Variants in ZNF837 observed in about 807,000 individuals in gnomAD.
ZNF837 encodes zinc finger protein 837.
For synonymous variants in ZNF837, 475 were observed against 365.2 expected, an observed-to-expected ratio of 1.30 and a Z score of -3.43; for missense variants, 955 against 801.7, an observed-to-expected ratio of 1.19 and a Z score of -2.31.
chr19:58,379,639 T>G (rs540533283), intron 1 of ZNF837, among the ~76,000 whole-genome samples: 2 of 152,298 alleles, frequency 1.3e-5, no homozygotes, highest in East Asian at 3.9e-4. Context: ...CGCCCAGCCT[T>G]TCTAGTTGTC....
In ZNF837 at chr19:58,367,881, G is replaced by A. The variant is rs2052150600; in HGVS notation, c.1452C>T (p.Phe484=). 1.3e-6 allele frequency: 2 copies of A among 1,535,696 alleles called. No homozygotes were observed. The highest frequency in any genetic ancestry group is 1.7e-6 in the Non-Finnish European group (2 of 1,144,332). ...GGCGCACCAGGCTGCAGTTGCGCAC[G>A]AAGGCCTTGCCGCAGTCGCGGCAGA... ...PYICRDCGKA[F]VRNCSLVRHL... is the part of the protein sequence containing the mutation. Residue 484 remains phenylalanine, a synonymous_variant, in exon 3 of 3, where the codon TTC becomes TTT. Transcript: ENST00000597582.
chr19:58,368,295 G>A lies in ZNF837; in HGVS notation c.1038C>T (p.Asp346=). ...AFRLGCPPCG[D]YSERSPRRGS... ...CCCGTCGGGGACTCCGCTCGCTGTA[G>A]TCCCCGCAGGGCGGGCACCCCAGCC... is the stretch of plus-strand genomic sequence containing the variant. The change falls in exon 3 of 3, where the codon GAC becomes GAT. Residue 346 remains aspartate (D), a synonymous_variant. Transcript: ENST00000597582. 1 of 1,483,442 alleles carries A rather than the reference G, an allele frequency of 6.7e-7. No individual in the cohort carries two copies. Among genetic ancestry groups the A allele is most frequent in the Non-Finnish European group, 8.9e-7 (1 of 1,125,448 alleles). 91.9% of individuals were successfully genotyped at this position (1,483,442 alleles called of 1,614,324 possible).
At chr19:58,370,969 C>T (rs1263314582) in intron 1 of ZNF837, among the ~76,000 whole-genome samples, 6 of 150,608 alleles carry the variant, frequency 4.0e-5, no homozygotes, top group South Asian at 4.2e-4. Flanking sequence ...GAGCCGGGCG[C>T]GGTGGCTCAC....
Position 58,367,924 on chromosome 19 carries a change from G to A in ZNF837, c.1409C>T (p.Ser470Leu). 1 of 1,534,282 alleles carries A rather than the reference G, an allele frequency of 6.5e-7. No homozygotes were observed. The highest frequency in any genetic ancestry group is 8.7e-7 in the Non-Finnish European group (1 of 1,144,110). Residue 470 changes from serine (S) to leucine (L), a missense_variant, in exon 3 of 3, where the codon TCG (serine) becomes TTG (leucine). Transcript: ENST00000597582. ...GCGGCAGATGTAGGGCTTCTCGCCC[G>A]AGTGCAGGCGCTCGTGCTGGCGCAG... ...SELRQHERLH[S>L]GEKPYICRDC...
Position 58,368,284 on chromosome 19 carries a change from C to A in ZNF837, c.1049G>T (p.Arg350Leu). 6.8e-7 allele frequency: 1 copy of A among 1,481,224 alleles called. No individual in the cohort carries two copies. The highest frequency in any genetic ancestry group is 8.9e-7 in the Non-Finnish European group (1 of 1,123,006). The allele number at this position is 1,481,224 out of a possible 1,614,324, so 91.8% of individuals were successfully genotyped here. A position where few individuals can be genotyped will look rare whatever the true frequency, so the allele number is the denominator to read the frequency against. Residue 350 changes from arginine (R) to leucine (L), a missense_variant, in exon 3 of 3, where the codon CGG becomes CTG. By Grantham distance (102) the Arg-to-Leu change is moderately radical. Coordinates refer to ENST00000597582, the MANE Select transcript of ZNF837 (RefSeq NM_138466.2). ...GCPPCGDYSE[R>L]SPRRGSGAGE... ...GGCTCCCGACCCCCGTCGGGGACTC[C>A]GCTCGCTGTAGTCCCCGCAGGGCGG...
chr19:58,376,601 G>GGAAA (rs2052249913), intron 1 of ZNF837, among the ~76,000 whole-genome samples: 1 of 93,618 alleles, frequency 1.1e-5, no homozygotes, highest in Non-Finnish European at 2.3e-5. Context: ...AGAAAGAAAA[G>GGAAA]AAAAAAGGAA....
In ZNF837 at chr19:58,369,015, C is replaced by T. The variant is rs2052173848; in HGVS notation, c.318G>A (p.Glu106=). 6.6e-7 allele frequency: 1 copy of T among 1,515,016 alleles called. No individual in the cohort carries two copies. The highest frequency in any genetic ancestry group is 8.9e-7 in the Non-Finnish European group (1 of 1,128,880). 93.8% of individuals were successfully genotyped at this position (1,515,016 alleles called of 1,614,324 possible). A position where few individuals can be genotyped will look rare whatever the true frequency, so the allele number is the denominator to read the frequency against. Residue 106 remains glutamate, a synonymous_variant, in exon 3 of 3, where the codon GAG becomes GAA. Coordinates refer to ENST00000597582, the MANE Select transcript of ZNF837 (RefSeq NM_138466.2). ...SSQNPELVIP[E]GLQAREGPCR... ...AGGGGCCCTCCCGGGCTTGCAGCCC[C>T]TCGGGGATAACCAGCTCAGGGTTCT... is the stretch of plus-strand genomic sequence containing the variant.
intron 1 of ZNF837, among the ~76,000 whole-genome samples, chr19:58,380,569 A>AGGATGCGGGGGCAGAGACGGTAG (rs2052281565): frequency 6.6e-6 from 1 of 152,250 alleles, no homozygotes; most frequent in African/African-American, 2.4e-5. Context: ...TGCAAAGGCC[A>AGGATGCGGGGGCAGAGACGGTAG]GGATGCGGGG....
At position 58,367,829 on chromosome 19, in the gene ZNF837, G is replaced by A; in HGVS notation, c.1504C>T (p.Pro502Ser). 6.5e-7 allele frequency: 1 copy of A among 1,536,242 alleles called. No individual in the cohort carries two copies. Among genetic ancestry groups the A allele is most frequent in the Non-Finnish European group, 8.7e-7 (1 of 1,145,124 alleles). Residue 502 changes from proline to serine, a missense_variant, in exon 3 of 3, where the codon CCC (proline) becomes TCC (serine). By Grantham distance (74) the Pro-to-Ser change is moderately conservative. Coordinates refer to ENST00000597582, the MANE Select transcript of ZNF837 (RefSeq NM_138466.2). ...RHLRTHTGER[P>S]YACGDCGRAF... Reference sequence around the variant, plus strand: ...CGGCCGCAATCTCCGCACGCGTAGGGCCGCTCGCCCGTGTGCGTGCGCAGG... The same window carrying A: ...CGGCCGCAATCTCCGCACGCGTAGGACCGCTCGCCCGTGTGCGTGCGCAGG...
intron 1 of ZNF837, among the ~76,000 whole-genome samples, chr19:58,372,266 C>T (rs906340905): frequency 6.6e-6 from 1 of 152,030 alleles, no homozygotes; most frequent in African/African-American, 2.4e-5. Context: ...ACCATGTTCA[C>T]GGGGCTGGTC....
intron 1 of ZNF837, among the ~76,000 whole-genome samples, chr19:58,374,793 G>C (rs1379848904): frequency 6.6e-6 from 1 of 152,004 alleles, no homozygotes; most frequent in African/African-American, 2.4e-5. Context: ...AATTAGCCGG[G>C]TGTGGTGGCA....
rs369958471 is a variant in ZNF837, at chr19:58,368,190, G to A, written c.1143C>T (p.His381=). 2 of 1,574,200 alleles carry A rather than the reference G, an allele frequency of 1.3e-6. No individual in the cohort carries two copies. Among genetic ancestry groups the A allele is most frequent in the East Asian group, 2.3e-5 (1 of 42,972 alleles). Residue 381 remains histidine (H), a synonymous_variant, in exon 3 of 3, where the codon CAC becomes CAT. Transcript: ENST00000597582. ...GCTTCTCGCCGGTGTGCACGCGCCG[G>A]TGCTCCACGAGGTGCGAGAACAGCC... is the stretch of plus-strand genomic sequence containing the variant. The part of the protein sequence containing the change: ...AFGLFSHLVE[H]RRVHTGEKPY...
rs747672902 is a variant in ZNF837 at position 58,368,031 on chromosome 19, C to T, written c.1302G>A (p.Leu434=). The T allele has an allele frequency of 3.3e-6, 5 of 1,533,598 alleles. No homozygotes were observed. In the Admixed American group the frequency reaches 8.0e-5, roughly 24 times the overall value. The allele number at this position is 1,533,598 out of a possible 1,614,324, so 95.0% of individuals were successfully genotyped here. A position where few individuals can be genotyped will look rare whatever the true frequency, so the allele number is the denominator to read the frequency against. The change falls in exon 3 of 3, where the codon CTG becomes CTA. Residue 434 remains leucine, a synonymous_variant. Transcript: ENST00000597582. ...CEKAFKGRSG[L]VQHQRAHTGE... ...CGGTGTGCGCGCGCTGGTGTTGCACCAGGCCCGAGCGGCCCTTGAAGGCCT... is the reference window on the plus strand; with the variant it reads ...CGGTGTGCGCGCGCTGGTGTTGCACTAGGCCCGAGCGGCCCTTGAAGGCCT...
chr19:58,370,677 C>T (rs980690311), intron 1 of ZNF837, among the ~76,000 whole-genome samples: 3 of 151,524 alleles, frequency 2.0e-5, no homozygotes, highest in Admixed American at 6.6e-5. Context: ...AGATGGATCA[C>T]CTGAGGTCAG....
Position 58,369,381 on chromosome 19 carries a change from A to C in ZNF837, c.-29-20T>G. 7.6e-7 allele frequency: 1 copy of C among 1,322,106 alleles called. No homozygotes were observed. Among genetic ancestry groups the C allele is most frequent in the Non-Finnish European group, 9.6e-7 (1 of 1,039,994 alleles). 81.9% of individuals were successfully genotyped at this position (1,322,106 alleles called of 1,614,324 possible). On this transcript the variant is annotated intron_variant, in intron 2 of 2. Coordinates refer to ENST00000597582, the MANE Select transcript of ZNF837 (RefSeq NM_138466.2). ...TAGGATCTGGAAGAGCAGAGAAGAA[A>C]TGGAGGTTGGCGGTTCCCAGGAGGA...
In ZNF837 at chr19:58,368,847, C is replaced by A; in HGVS notation, c.486G>T (p.Glu162Asp). The A allele has an allele frequency of 6.5e-7, 1 of 1,547,408 alleles. No individual in the cohort carries two copies. The highest frequency in any genetic ancestry group is 8.7e-7 in the Non-Finnish European group (1 of 1,146,700). Reference sequence around the variant, plus strand: ...GGCACGGCCAACAGTCCGTGTGGACCTCACACAGTTGAGTCCGGGGGTGGT... The same window carrying A: ...GGCACGGCCAACAGTCCGTGTGGACATCACACAGTTGAGTCCGGGGGTGGT... ...IQNHPRTQLC[E>D]VHTDCWPCQP... The change falls in exon 3 of 3, where the codon GAG (glutamate) becomes GAT (aspartate). Residue 162 changes from glutamate to aspartate, a missense_variant. Coordinates refer to ENST00000597582, the MANE Select transcript of ZNF837 (RefSeq NM_138466.2).
chr19:58,377,995 C>G (rs948282929), intron 1 of ZNF837, among the ~76,000 whole-genome samples: 6 of 152,258 alleles, frequency 3.9e-5, no homozygotes, highest in African/African-American at 1.4e-4. Context: ...CCCACACTCT[C>G]TCAAGCCTCT....
intron 1 of ZNF837, among the ~76,000 whole-genome samples, chr19:58,376,578 AAAAAAAAAAAAAAG>A (rs2052248927): frequency 3.3e-4 from 38 of 116,870 alleles, no homozygotes; most frequent in Non-Finnish European, 4.8e-4. Flanking sequence ...AAAAAAAAAA[AAAAAAAAAAAAAAG>A]AAAGAAAAGA....
In ZNF837 at chr19:58,367,892, C is replaced by A. The variant is rs1489663827; in HGVS notation, c.1441G>T (p.Gly481Cys). 6.5e-7 allele frequency: 1 copy of A among 1,535,092 alleles called. No individual in the cohort carries two copies. Among genetic ancestry groups the A allele is most frequent in the Admixed American group, 2.0e-5 (1 of 50,484 alleles). The part of the protein sequence containing the change: ...GEKPYICRDC[G>C]KAFVRNCSLV... ...CTGCAGTTGCGCACGAAGGCCTTGCCGCAGTCGCGGCAGATGTAGGGCTTC... is the reference window on the plus strand; with the variant it reads ...CTGCAGTTGCGCACGAAGGCCTTGCAGCAGTCGCGGCAGATGTAGGGCTTC... Residue 481 changes from glycine to cysteine, a missense_variant, in exon 3 of 3, where the codon GGC (glycine) becomes TGC (cysteine). By Grantham distance (159) the Gly-to-Cys change is radical. Coordinates refer to ENST00000597582, the MANE Select transcript of ZNF837 (RefSeq NM_138466.2).
Sources: gnomAD v4.1 joint callset for allele counts (sites outside exome capture counted in the v4.1 genomes callset) on GRCh38, gnomAD v4.1.1 for gene constraint, MANE v1.5 for transcripts, NCBI Gene and HGNC (gene_info 2026-07-23, HGNC 2026-07-21) for gene names.